Variants in NUGGC observed in about 807,000 individuals in gnomAD.
The protein encoded by NUGGC is nuclear GTPase SLIP-GC.
Under a neutral mutation model 92.6 loss-of-function variants are expected in NUGGC, and 58 were observed. The observed-to-expected ratio is 0.63, with a 90% CI of 0.51 to 0.78. NUGGC has a LOEUF of 0.78. Among genes scored for constraint, NUGGC ranks in the 30% least tolerant of loss-of-function variants. The pLI is 0.00. For missense variants in NUGGC, 925 were observed against 964.6 expected (o/e 0.96, Z 0.54); for synonymous variants, 376 against 366.4 (o/e 1.03, Z -0.30).
At chr8:28,035,879 GA>G (rs1164946247) in intron 13 of NUGGC, among the ~76,000 whole-genome samples, 1 of 152,068 alleles carries the variant, frequency 6.6e-6, no homozygotes, top group Non-Finnish European at 1.5e-5. Flanking sequence ...TCGTCTTAAC[GA>G]ACTTTATTTT....
At chr8:28,063,453 C>T (rs532924499) in intron 7 of NUGGC, among the ~76,000 whole-genome samples, 11 of 152,284 alleles carry the variant, frequency 7.2e-5, no homozygotes, top group Non-Finnish European at 1.0e-4. Context: ...CCCCAGGATC[C>T]GAGGTCTTGC....
chr8:28,051,863 G>A (rs528187817), intron 10 of NUGGC, among the ~76,000 whole-genome samples: 9 of 152,166 alleles, frequency 5.9e-5, no homozygotes, highest in South Asian at 2.1e-4. Flanking sequence ...CGGAGGTTGC[G>A]GTGAGCCAAG....
intron 10 of NUGGC, among the ~76,000 whole-genome samples, chr8:28,051,302 G>A (rs1809995795): frequency 1.3e-5 from 2 of 152,062 alleles, no homozygotes; most frequent in African/African-American, 4.8e-5. Context: ...AGCTTAAAGG[G>A]TTCCCACTGG....
intron 10 of NUGGC, among the ~76,000 whole-genome samples, chr8:28,050,410 AGAAAGGAAAG>A (rs772531437): frequency 1.6e-4 from 25 of 152,210 alleles, no homozygotes; most frequent in African/African-American, 4.8e-4. Flanking sequence ...GGAAAGGAAA[AGAAAGGAAAG>A]GAAAGGAAAG....
intron 11 of NUGGC, among the ~76,000 whole-genome samples, chr8:28,046,372 A>C (rs1351425167): frequency 6.6e-6 from 1 of 152,146 alleles, no homozygotes; most frequent in Non-Finnish European, 1.5e-5. Context: ...AAGCCATATC[A>C]AGTTCAGATG....
chr8:28,081,533 T>C (rs1810849958), intron 1 of NUGGC, among the ~76,000 whole-genome samples: 1 of 152,176 alleles, frequency 6.6e-6, no homozygotes, highest in Non-Finnish European at 1.5e-5. Flanking sequence ...TGACTCCCGT[T>C]CTTGTCCCTA....
At chr8:28,065,199 T>C (rs1810409646) in intron 6 of NUGGC, among the ~76,000 whole-genome samples, 2 of 144,900 alleles carry the variant, frequency 1.4e-5, no homozygotes, top group Admixed American at 6.9e-5. Flanking sequence ...CTTGCTCTGT[T>C]GCCCAGACTG....
intron 8 of NUGGC, among the ~76,000 whole-genome samples, chr8:28,059,162 A>G (rs558446341): frequency 2.0e-5 from 3 of 152,226 alleles, no homozygotes; most frequent in African/African-American, 7.2e-5. Flanking sequence ...GTCAGACCTA[A>G]GCTTCAGTGG....
At chr8:28,028,712 G>A (rs991341539) in intron 17 of NUGGC, among the ~76,000 whole-genome samples, 1 of 152,238 alleles carries the variant, frequency 6.6e-6, no homozygotes, top group Non-Finnish European at 1.5e-5. Context: ...GAAACCATCA[G>A]GAACTGTCTT....
intron 12 of NUGGC, among the ~76,000 whole-genome samples, chr8:28,041,606 G>A (rs13273492): frequency 0.53 from 80,582 of 152,086 alleles, 21,557 homozygotes; most frequent in East Asian, 0.64. Flanking sequence ...GACTCTGCAC[G>A]AAGGAGTTTT....
intron 10 of NUGGC, among the ~76,000 whole-genome samples, chr8:28,054,556 G>C (rs193106150): frequency 1.3e-5 from 2 of 152,230 alleles, no homozygotes; most frequent in Admixed American, 1.3e-4. Flanking sequence ...TGATAAAATA[G>C]TAAAAATAGG....
intron 8 of NUGGC, 128 bp downstream of exon 8, chr8:28,060,298 C>T (rs1810265648): frequency 2.1e-6 from 2 of 951,154 alleles, no homozygotes; most frequent in Non-Finnish European, 3.3e-6. Context: ...CTTTTCTTTC[C>T]TCCCCAACAA....
intron 12 of NUGGC, 23 bp downstream of exon 12, chr8:28,045,504 T>C (rs1809806448): frequency 1.2e-6 from 2 of 1,606,088 alleles, no homozygotes; most frequent in Non-Finnish European, 1.7e-6. Context: ...GGGGAGAATA[T>C]GAAAACCCAG....
intron 7 of NUGGC, among the ~76,000 whole-genome samples, chr8:28,061,981 A>T (rs2130220662): frequency 6.6e-6 from 1 of 152,332 alleles, no homozygotes; most frequent in Non-Finnish European, 1.5e-5. Context: ...ATGAAATCTT[A>T]GTTAGAATTC....
chr8:28,064,500 T>C, intron 7 of NUGGC, 22 bp downstream of exon 7: 2 of 1,607,752 alleles, frequency 1.2e-6, no homozygotes, highest in South Asian at 1.1e-5. Context: ...AAGAGAGAAC[T>C]AAACCTACGA....
chr8:28,064,422 A>G, intron 7 of NUGGC, 100 bp downstream of exon 7: 2 of 992,576 alleles, frequency 2.0e-6, no homozygotes, highest in Non-Finnish European at 3.0e-6. Context: ...ATTCCAATGA[A>G]CTCAAAATCC....
chr8:28,070,157 C>T, intron 3 of NUGGC, 95 bp downstream of exon 3: 1 of 1,473,690 alleles, frequency 6.8e-7, no homozygotes, highest in South Asian at 1.4e-5. Context: ...GATGTTTCAT[C>T]CAGCTTCAGA....
intron 13 of NUGGC, 45 bp downstream of exon 13, chr8:28,041,006 C>T: frequency 6.5e-7 from 1 of 1,535,920 alleles, no homozygotes; most frequent in Non-Finnish European, 8.9e-7. Context: ...GGGGATCGGG[C>T]AGGCCTCCTG....
At chr8:28,032,118 A>G (rs1189574460) in intron 14 of NUGGC, among the ~76,000 whole-genome samples, 1 of 152,230 alleles carries the variant, frequency 6.6e-6, no homozygotes, top group Non-Finnish European at 1.5e-5. Flanking sequence ...GCAGCGGTGC[A>G]GGCAGAGGTT....
Sources: gnomAD v4.1 joint callset for allele counts (sites outside exome capture counted in the v4.1 genomes callset) on GRCh38, gnomAD v4.1.1 for gene constraint, MANE v1.5 for transcripts, NCBI Gene and HGNC (gene_info 2026-07-23, HGNC 2026-07-21) for gene names.